The following LMNTD1 variants were observed in gnomAD, a reference collection of about 807,000 sequenced individuals.
LMNTD1 encodes the protein lamin tail domain-containing protein 1.
A neutral mutation model predicts 50.9 loss-of-function variants in LMNTD1; 35 were observed. The ratio of observed to expected loss-of-function variants is 0.69; its 90% CI spans 0.53 to 0.91. LMNTD1 has a LOEUF of 0.91. Ranked by LOEUF, LMNTD1 falls within the 40% of genes least tolerant of loss-of-function variation. LMNTD1 has a pLI of 0.00. For missense variants in LMNTD1, 470 were observed against 475.5 expected (o/e 0.99, Z 0.11); for synonymous variants, 153 against 161.9 (o/e 0.94, Z 0.42).
At chr12:25,575,514 A>G (rs915243917) in intron 1 of LMNTD1, among the ~76,000 whole-genome samples, 2 of 152,180 alleles carry the variant, frequency 1.3e-5, no homozygotes, top group African/African-American at 4.8e-5. Context: ...ATTGTGAAAA[A>G]TGTCATCTTA....
At chr12:25,525,693 TA>T (rs549370445) in intron 6 of LMNTD1, among the ~76,000 whole-genome samples, 4 of 151,200 alleles carry the variant, frequency 2.6e-5, no homozygotes, top group Admixed American at 6.6e-5. Flanking sequence ...GCTTTAAGGA[TA>T]AAAAAAAATC....
Position 25,497,810 on chromosome 12 carries a change from T to C in LMNTD1, c.*22+5928A>G, listed in dbSNP as rs1327517065. The C allele has an allele frequency of 6.0e-5, 9 of 149,288 alleles. No homozygotes were observed. The East Asian group carries it at 1.6e-3, about 26-fold the overall frequency. 9.2% of individuals were successfully genotyped at this position (149,288 alleles called of 1,614,324 possible). On this transcript the variant is annotated intron_variant, in intron 9 of 9. Coordinates refer to ENST00000458174, the MANE Select transcript of LMNTD1 (RefSeq NM_001145728.2). ...GAGACTCCATCTGAAAAAAAAAAAA[T>C]GCATATGTTTGAATCCCTTGGCATA...
intron 4 of LMNTD1, among the ~76,000 whole-genome samples, chr12:25,540,832 G>A (rs1943015874): frequency 8.3e-6 from 1 of 119,916 alleles, no homozygotes; most frequent in East Asian, 2.7e-4. Context: ...AAACCCCATT[G>A]TCTCAGCCCA....
chr12:25,604,620 T>C (rs1006774142), intron 1 of LMNTD1, among the ~76,000 whole-genome samples: 5 of 152,106 alleles, frequency 3.3e-5, no homozygotes, highest in African/African-American at 1.2e-4. Flanking sequence ...GTCCTTGCGA[T>C]AGTTTGCTGA....
chr12:25,539,268 T>C (rs1431901497), intron 4 of LMNTD1, among the ~76,000 whole-genome samples: 1 of 150,816 alleles, frequency 6.6e-6, no homozygotes, highest in Non-Finnish European at 1.5e-5. Context: ...CAACAGAATA[T>C]ACATTTTTTT....
intron 1 of LMNTD1, among the ~76,000 whole-genome samples, chr12:25,577,128 T>C (rs900151065): frequency 1.3e-5 from 2 of 152,238 alleles, no homozygotes; most frequent in Admixed American, 6.5e-5. Flanking sequence ...GGTAGTGTGA[T>C]GCTGCCAGCT....
At chr12:25,560,982 G>A (rs1050663009) in intron 1 of LMNTD1, among the ~76,000 whole-genome samples, 5 of 152,064 alleles carry the variant, frequency 3.3e-5, no homozygotes, top group Non-Finnish European at 7.4e-5. Flanking sequence ...CTGCAAACAG[G>A]GACAATTTGA....
At chr12:25,508,828 C>T (rs943109202) in intron 8 of LMNTD1, among the ~76,000 whole-genome samples, 6 of 152,098 alleles carry the variant, frequency 3.9e-5, no homozygotes, top group African/African-American at 9.7e-5. Context: ...AGTATGATAT[C>T]GTTTGCTTTA....
In LMNTD1 at chr12:25,549,258, T is replaced by C. The variant is rs1200095334; in HGVS notation, c.310+68A>G. The C allele has an allele frequency of 1.4e-5, 11 of 799,490 alleles. No homozygotes were observed. The Admixed American group carries it at 2.4e-4, about 17-fold the overall frequency. The allele number at this position is 799,490 out of a possible 1,614,324, so 49.5% of individuals were successfully genotyped here. ...AAAACATCATTCTGACTGAGAGTCA[T>C]ATATGCAATCTATTGAAATATAAGC... On this transcript the variant is annotated intron_variant, in intron 3 of 9. Coordinates refer to ENST00000458174, the MANE Select transcript of LMNTD1 (RefSeq NM_001145728.2).
chr12:25,481,385 G>A (rs1434927455), intron 9 of LMNTD1, among the ~76,000 whole-genome samples: 2 of 152,024 alleles, frequency 1.3e-5, no homozygotes, highest in African/African-American at 4.8e-5. Context: ...ACCAGTCCAG[G>A]ATCTCCCTAG....
At chr12:25,535,455 T>G (rs996653690) in intron 4 of LMNTD1, among the ~76,000 whole-genome samples, 5 of 151,986 alleles carry the variant, frequency 3.3e-5, no homozygotes, top group Admixed American at 3.3e-4. Flanking sequence ...TATATAAATA[T>G]GCTAATCAAA....
chr12:25,621,604 C>A (rs186452173), intron 1 of LMNTD1, among the ~76,000 whole-genome samples: 6 of 152,236 alleles, frequency 3.9e-5, no homozygotes, highest in Admixed American at 1.3e-4. Flanking sequence ...TTGACCAACA[C>A]CTCCTCATAT....
At chr12:25,625,763 A>G (rs1314083272) in intron 1 of LMNTD1, among the ~76,000 whole-genome samples, 1 of 152,140 alleles carries the variant, frequency 6.6e-6, no homozygotes, top group African/African-American at 2.4e-5. Context: ...GTTGAAACCC[A>G]TGACTGCTGG....
At chr12:25,629,953 A>G (rs1426122670) in intron 1 of LMNTD1, among the ~76,000 whole-genome samples, 1 of 152,208 alleles carries the variant, frequency 6.6e-6, no homozygotes, top group Non-Finnish European at 1.5e-5. Context: ...CATAAACAAT[A>G]AAGTAATTAG....
intron 1 of LMNTD1, among the ~76,000 whole-genome samples, chr12:25,613,986 A>T (rs1263303996): frequency 6.6e-6 from 1 of 152,012 alleles, no homozygotes; most frequent in African/African-American, 2.4e-5. Context: ...CAAAGGGAAA[A>T]GCAGAGAGGA....
intron 9 of LMNTD1, among the ~76,000 whole-genome samples, chr12:25,500,493 T>C (rs1445210840): frequency 6.6e-6 from 1 of 152,156 alleles, no homozygotes; most frequent in East Asian, 1.9e-4. Flanking sequence ...CCAGCACTTT[T>C]ATTAGGAATG....
At chr12:25,481,865 T>TCACA (rs138084240) in intron 9 of LMNTD1, among the ~76,000 whole-genome samples, 18,254 of 132,418 alleles carry the variant, frequency 0.14, 1,322 homozygotes, top group South Asian at 0.2. Context: ...TATTGCCTCT[T>TCACA]CACACACACA....
chr12:25,517,885 C>T (rs190333960), intron 8 of LMNTD1, among the ~76,000 whole-genome samples: 1 of 152,058 alleles, frequency 6.6e-6, no homozygotes, highest in Admixed American at 6.5e-5. Flanking sequence ...CAATGGTTGT[C>T]ATATTGTTTC....
chr12:25,506,450 A>G (rs1180100858), intron 8 of LMNTD1, among the ~76,000 whole-genome samples: 4 of 152,166 alleles, frequency 2.6e-5, no homozygotes, highest in Non-Finnish European at 5.9e-5. Flanking sequence ...ATATGCTCAC[A>G]ATATCAACTC....
Sources: allele counts gnomAD v4.1 joint callset (sites outside exome capture counted in the v4.1 genomes callset), GRCh38; gene constraint gnomAD v4.1.1; transcripts MANE v1.5; gene names NCBI Gene and HGNC (gene_info 2026-07-23, HGNC 2026-07-21).